Variants in SORCS3 observed in about 807,000 individuals in gnomAD.
SORCS3 encodes VPS10 domain-containing receptor SorCS3.
Under a neutral mutation model 146.3 loss-of-function variants are expected in SORCS3, and 57 were observed. That is an observed-to-expected ratio of 0.39 (90% CI 0.31 to 0.49). The LOEUF (loss-of-function observed/expected upper bound fraction) is 0.49, where lower values mean the gene tolerates loss of function less well. Ranked by LOEUF, SORCS3 falls within the 20% of genes least tolerant of loss-of-function variation. The probability of loss-of-function intolerance (pLI) is 0.92; values close to 1 mark genes in which losing one functional copy is unlikely to be tolerated. For synonymous variants in SORCS3, 653 were observed against 618.5 expected, an observed-to-expected ratio of 1.06 and a Z score of -0.83; for missense variants, 1,341 against 1,575.5, an observed-to-expected ratio of 0.85 and a Z score of 2.52.
At chr10:104,889,169 CTTAT>C (rs1394473512) in intron 2 of SORCS3, among the ~76,000 whole-genome samples, 1 of 150,364 alleles carries the variant, frequency 6.7e-6, no homozygotes, top group Non-Finnish European at 1.5e-5. Context: ...TTGCTTTTAA[CTTAT>C]TTGTGTCTTT....
chr10:105,092,608 A>ACACAC (rs2055717825), intron 6 of SORCS3, among the ~76,000 whole-genome samples: 2 of 147,268 alleles, frequency 1.4e-5, no homozygotes, highest in African/African-American at 5.0e-5. Context: ...TGCATTCACA[A>ACACAC]ACACACACAC....
intron 4 of SORCS3, among the ~76,000 whole-genome samples, chr10:105,034,088 A>C (rs2055288915): frequency 6.6e-6 from 1 of 152,128 alleles, no homozygotes; most frequent in South Asian, 2.1e-4. Flanking sequence ...TTGATCATGA[A>C]ATTATACAAA....
intron 1 of SORCS3, among the ~76,000 whole-genome samples, chr10:104,699,759 A>G (rs908324732): frequency 2.0e-5 from 3 of 152,332 alleles, no homozygotes; most frequent in East Asian, 1.9e-4. Flanking sequence ...ACAAAGTATT[A>G]TAAAACCACA....
chr10:104,866,235 C>T (rs1231269943), intron 2 of SORCS3, among the ~76,000 whole-genome samples: 1 of 152,080 alleles, frequency 6.6e-6, no homozygotes, highest in Non-Finnish European at 1.5e-5. Flanking sequence ...GTTTATGTAA[C>T]AGAATTTAAT....
intron 7 of SORCS3, among the ~76,000 whole-genome samples, chr10:105,119,879 G>A (rs2055919594): frequency 6.6e-6 from 1 of 152,130 alleles, no homozygotes; most frequent in Non-Finnish European, 1.5e-5. Flanking sequence ...TCTCAGATGA[G>A]ACTTTGGACT....
intron 2 of SORCS3, among the ~76,000 whole-genome samples, chr10:104,909,190 AGTT>A (rs1266575293): frequency 6.6e-6 from 1 of 152,144 alleles, no homozygotes; most frequent in Non-Finnish European, 1.5e-5. Flanking sequence ...AGAGTTGAGT[AGTT>A]GTGGCGGAGG....
intron 3 of SORCS3, among the ~76,000 whole-genome samples, chr10:104,962,823 GCCACTTAGGAATAA>G (rs2054804011): frequency 6.6e-6 from 1 of 152,140 alleles, no homozygotes; most frequent in South Asian, 2.1e-4. Flanking sequence ...TCATAATCTT[GCCACTTAGGAATAA>G]CCACTGTTAA....
At chr10:104,767,943 A>G (rs1219808861) in intron 1 of SORCS3, among the ~76,000 whole-genome samples, 7 of 151,992 alleles carry the variant, frequency 4.6e-5, no homozygotes, top group Admixed American at 3.3e-4. Flanking sequence ...TACTGTAGGC[A>G]TTGCTCATCG....
At chr10:104,916,844 C>G (rs1415187087) in intron 3 of SORCS3, among the ~76,000 whole-genome samples, 1 of 152,158 alleles carries the variant, frequency 6.6e-6, no homozygotes, top group Admixed American at 6.5e-5. Flanking sequence ...TGCTTTCTTC[C>G]TCAAGGTAAG....
chr10:105,242,260 A>G (rs117676845), intron 20 of SORCS3, among the ~76,000 whole-genome samples: 10,762 of 140,140 alleles, frequency 0.077, 494 homozygotes, highest in Middle Eastern at 0.15. Flanking sequence ...TTATACATAT[A>G]TTTATATATA....
Position 105,188,066 on chromosome 10 carries a change from G to A in SORCS3, c.2009+9893G>A, listed in dbSNP as rs1371872698. ...AAAAAAATTGGGGGAGATAGATAGTGCTAAGGCTTAAGGGCTTCAGGGTAC... is the reference window on the plus strand; with the variant it reads ...AAAAAAATTGGGGGAGATAGATAGTACTAAGGCTTAAGGGCTTCAGGGTAC... On this transcript the variant is annotated intron_variant, in intron 14 of 26. Transcript: ENST00000369701. Among the ~76,000 whole-genome samples the A allele has an allele frequency of 3.9e-5, 6 of 152,114 alleles. No individual in the cohort carries two copies. The East Asian group carries it at 9.6e-4, about 24-fold the overall frequency.
At chr10:105,172,668 T>C (rs1051210151) in intron 13 of SORCS3, among the ~76,000 whole-genome samples, 6 of 152,210 alleles carry the variant, frequency 3.9e-5, no homozygotes, top group African/African-American at 1.2e-4. Flanking sequence ...CTAAAATTCA[T>C]ATAACCTGTT....
intron 2 of SORCS3, among the ~76,000 whole-genome samples, chr10:104,913,695 G>A (rs2018993654): frequency 1.3e-5 from 2 of 149,820 alleles, no homozygotes; most frequent in East Asian, 3.9e-4. Context: ...CCTGCATTCT[G>A]TTAGGAGGTT....
At chr10:105,130,305 T>C (rs955947097) in intron 7 of SORCS3, among the ~76,000 whole-genome samples, 1 of 152,112 alleles carries the variant, frequency 6.6e-6, no homozygotes, top group African/African-American at 2.4e-5. Context: ...TGGAAACTGA[T>C]TGAGTCCAGA....
At chr10:105,158,791 C>T in intron 10 of SORCS3, 101 bp from the exon 11 acceptor site, 1 of 852,472 alleles carries the variant, frequency 1.2e-6, no homozygotes, top group Non-Finnish European at 1.9e-6. Context: ...CAATGCCTTG[C>T]TATTTCTGGG....
chr10:104,708,556 A>C (rs750753612), intron 1 of SORCS3, among the ~76,000 whole-genome samples: 1 of 152,212 alleles, frequency 6.6e-6, no homozygotes, highest in African/African-American at 2.4e-5. Flanking sequence ...ATTGCTTCTG[A>C]TAACTTGTTT....
chr10:104,674,821 A>G (rs2015895856), intron 1 of SORCS3, among the ~76,000 whole-genome samples: 1 of 152,156 alleles, frequency 6.6e-6, no homozygotes, highest in Non-Finnish European at 1.5e-5. Context: ...CCCTGTGGAT[A>G]TATATAACTT....
At chr10:104,840,544 T>C (rs1341152250) in intron 1 of SORCS3, among the ~76,000 whole-genome samples, 1 of 152,210 alleles carries the variant, frequency 6.6e-6, no homozygotes, top group Non-Finnish European at 1.5e-5. Context: ...AATCTGGATC[T>C]TTTATTTCTG....
chr10:104,650,905 G>C (rs2015551003), intron 1 of SORCS3, among the ~76,000 whole-genome samples: 1 of 152,128 alleles, frequency 6.6e-6, no homozygotes, highest in Non-Finnish European at 1.5e-5. Context: ...CAGATGGTTA[G>C]AATCAGGTTA....
Sources: gnomAD v4.1 joint callset for allele counts (sites outside exome capture counted in the v4.1 genomes callset) on GRCh38, gnomAD v4.1.1 for gene constraint, MANE v1.5 for transcripts, NCBI Gene and HGNC (gene_info 2026-07-23, HGNC 2026-07-21) for gene names.